SQOR: variants seen among roughly 807,000 people sequenced by gnomAD.
SQOR encodes the protein sulfide quinone oxidoreductase, also known as sulfide:quinone oxidoreductase, mitochondrial.
A neutral mutation model predicts 48.6 loss-of-function variants in SQOR; 39 were observed. The observed-to-expected ratio is 0.80, with a 90% CI of 0.62 to 1.05. The LOEUF (loss-of-function observed/expected upper bound fraction) is 1.05, where lower values mean the gene tolerates loss of function less well. Among genes scored for constraint, SQOR ranks in the 50% least tolerant of loss-of-function variants. The probability of loss-of-function intolerance (pLI) is 0.00; values close to 1 mark genes in which losing one functional copy is unlikely to be tolerated. For missense variants in SQOR, 561 were observed against 559.9 expected, an observed-to-expected ratio of 1.00 and a Z score of -0.02; for synonymous variants, 220 against 206.2, an observed-to-expected ratio of 1.07 and a Z score of -0.57.
chr15:45,668,418 T>C (rs1178877611), intron 3 of SQOR, among the ~76,000 whole-genome samples: 1 of 152,212 alleles, frequency 6.6e-6, no homozygotes, highest in African/African-American at 2.4e-5. Context: ...ATTCTAGGAA[T>C]GTAAGGAATA....
Position 45,689,226 on chromosome 15 carries a change from A to T in SQOR, c.1295+9A>T. On this transcript the variant is annotated intron_variant, in intron 9 of 9. Coordinates refer to ENST00000260324, the MANE Select transcript of SQOR (RefSeq NM_021199.4). ...TGGAATATGATGCTAAGGTAAGTGC[A>T]CTGCCTGGTTCCTGGATGAGGAAAG... 2 of 1,613,232 alleles carry T rather than the reference A, an allele frequency of 1.2e-6. No homozygotes were observed. Among genetic ancestry groups the T allele is most frequent in the Non-Finnish European group, 1.7e-6 (2 of 1,179,480 alleles).
rs535763026 is a variant in SQOR, at chr15:45,663,304, C to T, written c.405+1179C>T. Among the ~76,000 whole-genome samples the T allele has an allele frequency of 5.3e-5, 8 of 152,206 alleles. No homozygotes were observed. The East Asian group carries it at 1.5e-3, about 29-fold the overall frequency. ...AAGTGTTGGGATTATAGGGGTGAGC[C>T]ATTGTGCCCGGCCTGCTGAGGCATT... On this transcript the variant is annotated intron_variant, in intron 3 of 9. Transcript: ENST00000260324.
chr15:45,656,072 A>G (rs975352835), intron 1 of SQOR, among the ~76,000 whole-genome samples: 4 of 151,876 alleles, frequency 2.6e-5, no homozygotes, highest in Non-Finnish European at 5.9e-5. Flanking sequence ...TCATAGAGAT[A>G]GTATGGTGTA....
intron 1 of SQOR, among the ~76,000 whole-genome samples, chr15:45,650,528 A>G (rs1889461245): frequency 1.3e-5 from 2 of 152,160 alleles, no homozygotes; most frequent in Admixed American, 6.5e-5. Context: ...TATGGCAAAG[A>G]GCAAAAGAAG....
intron 9 of SQOR, chr15:45,689,497 A>T (rs1469813056): frequency 5.2e-6 from 1 of 193,232 alleles, no homozygotes; most frequent in Non-Finnish European, 1.1e-5. Flanking sequence ...GGCTCACTGC[A>T]ACCTCCACTT....
chr15:45,652,738 G>A (rs1178497300), intron 1 of SQOR, among the ~76,000 whole-genome samples: 4 of 146,908 alleles, frequency 2.7e-5, no homozygotes, highest in Admixed American at 1.4e-4. Flanking sequence ...GTGGGAGGCC[G>A]AGGCAGGTGG....
chr15:45,657,574 A>G (rs1889634006), intron 1 of SQOR, among the ~76,000 whole-genome samples: 2 of 152,158 alleles, frequency 1.3e-5, no homozygotes, highest in Admixed American at 1.3e-4. Context: ...ATATTGAAGA[A>G]GTTGTCGGGG....
intron 3 of SQOR, among the ~76,000 whole-genome samples, chr15:45,665,227 G>A (rs1889792795): frequency 6.6e-6 from 1 of 152,188 alleles, no homozygotes; most frequent in Admixed American, 6.5e-5. Context: ...AGACACTTAG[G>A]AAAGCTGTAG....
intron 4 of SQOR, among the ~76,000 whole-genome samples, chr15:45,673,145 A>T (rs1186481797): frequency 1.3e-5 from 2 of 152,206 alleles, no homozygotes; most frequent in East Asian, 1.9e-4. Flanking sequence ...GGGATCCTAA[A>T]GTCCATGTTT....
In SQOR at chr15:45,659,104, C is replaced by G. The variant is rs376077055; in HGVS notation, c.181C>G (p.Arg61Gly). ...GGSGGITMAARMKRKVGAENV... is the reference protein window; with the variant it reads ...GGSGGITMAAGMKRKVGAENV... ...CAGTGGCGGAATCACCATGGCTGCCCGCATGAAGAGGAAAGTGGGTGCAGA... is the reference window on the plus strand; with the variant it reads ...CAGTGGCGGAATCACCATGGCTGCCGGCATGAAGAGGAAAGTGGGTGCAGA... Residue 61 changes from arginine to glycine, a missense_variant, in exon 2 of 10, where the codon CGC (arginine) becomes GGC (glycine). Coordinates refer to ENST00000260324, the MANE Select transcript of SQOR (RefSeq NM_021199.4). 6.3e-7 allele frequency: 1 copy of G among 1,581,386 alleles called. No individual in the cohort carries two copies. Among genetic ancestry groups the G allele is most frequent in the Non-Finnish European group, 8.6e-7 (1 of 1,162,372 alleles).
intron 9 of SQOR, among the ~76,000 whole-genome samples, chr15:45,690,082 C>CTT (rs11449007): frequency 0.024 from 3,308 of 136,938 alleles, 127 homozygotes; most frequent in African/African-American, 0.08. Context: ...CCTCTTCCTC[C>CTT]TTTTTTTTTT....
intron 4 of SQOR, among the ~76,000 whole-genome samples, chr15:45,670,982 A>G (rs1361730238): frequency 6.6e-6 from 1 of 152,206 alleles, no homozygotes; most frequent in Non-Finnish European, 1.5e-5. Context: ...AGCAAAGGCA[A>G]TGCGTCTCCA....
intron 1 of SQOR, among the ~76,000 whole-genome samples, chr15:45,650,052 A>C (rs571355949): frequency 6.6e-5 from 10 of 151,988 alleles, no homozygotes; most frequent in African/African-American, 2.2e-4. Context: ...CATGTTGGCC[A>C]GGCTGGTCTT....
intron 1 of SQOR, among the ~76,000 whole-genome samples, chr15:45,657,359 A>G (rs1412203908): frequency 1.3e-5 from 2 of 151,936 alleles, no homozygotes; most frequent in African/African-American, 4.8e-5. Flanking sequence ...TGTGAAAAAC[A>G]TCTTTGTAGT....
rs182185905 is a variant in SQOR at position 45,638,852 on chromosome 15, A to G, written c.-18+3744A>G. ...GTCAGGAGCACATGTGCACAGAGAA[A>G]AGGCCACGCAAAGGCACACTGAGAA... On this transcript the variant is annotated intron_variant, in intron 1 of 9. Transcript: ENST00000260324. Among the ~76,000 whole-genome samples the G allele has an allele frequency of 4.6e-5, 7 of 152,338 alleles. No homozygotes were observed. The East Asian group carries it at 1.3e-3, about 29-fold the overall frequency.
intron 3 of SQOR, among the ~76,000 whole-genome samples, chr15:45,669,375 G>A (rs904103316): frequency 3.3e-5 from 5 of 151,946 alleles, no homozygotes; most frequent in Non-Finnish European, 5.9e-5. Flanking sequence ...TGTTGCCCAG[G>A]CTGGTCTCCA....
At chr15:45,683,161 G>T (rs1342942405) in intron 7 of SQOR, among the ~76,000 whole-genome samples, 1 of 152,134 alleles carries the variant, frequency 6.6e-6, no homozygotes, top group African/African-American at 2.4e-5. Context: ...TAGGTCAGAG[G>T]GGTTGTTGTC....
intron 4 of SQOR, among the ~76,000 whole-genome samples, chr15:45,672,051 C>T (rs982291685): frequency 4.6e-5 from 7 of 152,284 alleles, no homozygotes; most frequent in Admixed American, 2.0e-4. Flanking sequence ...TACCACTTTA[C>T]GGCAACTTTT....
At chr15:45,635,931 G>A (rs944640805) in intron 1 of SQOR, among the ~76,000 whole-genome samples, 6 of 152,232 alleles carry the variant, frequency 3.9e-5, no homozygotes, top group African/African-American at 1.4e-4. Flanking sequence ...CACCTCCCGG[G>A]TTCAAGCGAT....
Sources: gnomAD v4.1 joint callset for allele counts (sites outside exome capture counted in the v4.1 genomes callset) on GRCh38, gnomAD v4.1.1 for gene constraint, MANE v1.5 for transcripts, NCBI Gene and HGNC (gene_info 2026-07-23, HGNC 2026-07-21) for gene names.